Variants in PARD3B observed in about 807,000 individuals in gnomAD.
PARD3B encodes the protein par-3 family cell polarity regulator beta, also known as partitioning defective 3 homolog B.
PARD3B carries 103 observed loss-of-function variants against 130.2 expected under a neutral mutation model. The observed-to-expected ratio is 0.79, with a 90% CI of 0.67 to 0.93. PARD3B has a LOEUF of 0.93. PARD3B is among the 40% of genes least tolerant of loss of function. PARD3B has a pLI of 0.00. For synonymous variants in PARD3B, 583 were observed against 553.2 expected (o/e 1.05, Z -0.76); for missense variants, 1,609 against 1,499.2 (o/e 1.07, Z -1.21).
chr2:205,118,854 T>A, intron 6 of PARD3B, 67 bp from the exon 7 acceptor site: 1 of 1,120,064 alleles, frequency 8.9e-7, no homozygotes, highest in Non-Finnish European at 1.2e-6. Context: ...TCTGAATAGT[T>A]GCAAGTGGAG....
intron 10 of PARD3B, among the ~76,000 whole-genome samples, chr2:205,141,665 G>A (rs909994082): frequency 6.6e-6 from 1 of 152,170 alleles, no homozygotes; most frequent in Non-Finnish European, 1.5e-5. Flanking sequence ...ACAGGTTACG[G>A]TTATGCTTAG....
chr2:205,050,417 T>C (rs1030356313), intron 4 of PARD3B, among the ~76,000 whole-genome samples: 1 of 151,830 alleles, frequency 6.6e-6, no homozygotes, highest in East Asian at 1.9e-4. Context: ...TATATGTGTG[T>C]TATAACTGTT....
intron 12 of PARD3B, among the ~76,000 whole-genome samples, chr2:205,175,364 A>T (rs10181441): frequency 0.31 from 46,859 of 152,078 alleles, 7,708 homozygotes; most frequent in Middle Eastern, 0.49. Context: ...AGGGTAATAC[A>T]CTGGGTGTGG....
intron 2 of PARD3B, among the ~76,000 whole-genome samples, chr2:204,713,452 G>A (rs945800468): frequency 6.7e-6 from 1 of 150,356 alleles, no homozygotes; most frequent in Non-Finnish European, 1.5e-5. Flanking sequence ...CAGTTTTGTG[G>A]CATTAAGAAC....
chr2:205,126,655 A>G (rs1310118342), intron 10 of PARD3B, among the ~76,000 whole-genome samples: 1 of 148,054 alleles, frequency 6.8e-6, no homozygotes, highest in Non-Finnish European at 1.5e-5. Flanking sequence ...CTGAGGCAGG[A>G]GAATGGCGTG....
At chr2:205,373,663 C>T (rs1180993888) in intron 18 of PARD3B, among the ~76,000 whole-genome samples, 3 of 152,164 alleles carry the variant, frequency 2.0e-5, no homozygotes. Flanking sequence ...TTCTTATCCT[C>T]AGTTATGCTT....
intron 21 of PARD3B, among the ~76,000 whole-genome samples, chr2:205,504,717 G>A (rs935741688): frequency 9.1e-4 from 139 of 152,244 alleles, no homozygotes; most frequent in Admixed American, 1.2e-3. Flanking sequence ...TTAGAATGGC[G>A]ATCATTAAAA....
At chr2:205,023,227 C>A (rs1575576779) in intron 3 of PARD3B, among the ~76,000 whole-genome samples, 1 of 152,136 alleles carries the variant, frequency 6.6e-6, no homozygotes, top group African/African-American at 2.4e-5. Flanking sequence ...TCCCACTGGG[C>A]AGGATTGCAG....
At chr2:205,190,639 ACTCTC>A (rs2036345400) in intron 14 of PARD3B, among the ~76,000 whole-genome samples, 1 of 151,878 alleles carries the variant, frequency 6.6e-6, no homozygotes, top group African/African-American at 2.4e-5. Flanking sequence ...GGCAATGCCA[ACTCTC>A]CTCTTTGAGC....
At chr2:205,071,249 GT>G (rs1700709829) in intron 4 of PARD3B, among the ~76,000 whole-genome samples, 1 of 152,072 alleles carries the variant, frequency 6.6e-6, no homozygotes, top group Non-Finnish European at 1.5e-5. Flanking sequence ...ATTCTTACAA[GT>G]TTCCTTCCTT....
At chr2:205,315,677 G>A (rs967544470) in intron 18 of PARD3B, among the ~76,000 whole-genome samples, 8 of 152,058 alleles carry the variant, frequency 5.3e-5, no homozygotes, top group East Asian at 1.9e-4. Flanking sequence ...TTGTTTTAGC[G>A]TTTCTCTCTC....
chr2:204,596,175 A>G (rs924254449), intron 1 of PARD3B, among the ~76,000 whole-genome samples: 2 of 152,208 alleles, frequency 1.3e-5, no homozygotes, highest in South Asian at 2.1e-4. Flanking sequence ...TCTAATAACC[A>G]TGATTTCCTC....
chr2:205,492,009 C>G (rs1471934398), intron 20 of PARD3B, among the ~76,000 whole-genome samples: 1 of 152,160 alleles, frequency 6.6e-6, no homozygotes, highest in Non-Finnish European at 1.5e-5. Flanking sequence ...GCATGTTAAC[C>G]TCTCTGGACC....
chr2:205,554,231 TG>T (rs1178246759), intron 22 of PARD3B, among the ~76,000 whole-genome samples: 1 of 139,812 alleles, frequency 7.2e-6, no homozygotes, highest in East Asian at 2.3e-4. Context: ...TTTAAAGGGG[TG>T]GGGGAAAGAC....
rs140181299 is a variant in PARD3B at position 204,756,187 on chromosome 2, G to A, written c.222+69905G>A. Among the ~76,000 whole-genome samples the A allele has an allele frequency of 9.9e-4, 151 of 152,138 alleles. 1 individual carries two copies. In the East Asian group the frequency reaches 0.025, roughly 26 times the overall value. On this transcript the variant is annotated intron_variant, in intron 2 of 22. Transcript: ENST00000406610. ...CCTACTCCTTCCCAATGGCAAGGGG[G>A]TCACACAAGATTACCTGAAATATGG... is the stretch of plus-strand genomic sequence containing the variant.
At chr2:204,636,533 T>A (rs10170405) in intron 1 of PARD3B, among the ~76,000 whole-genome samples, 105,765 of 150,874 alleles carry the variant, frequency 0.7, 37,865 homozygotes, top group Non-Finnish European at 0.78. Context: ...GTCCTTTTCT[T>A]TCTTGATGCC....
intron 19 of PARD3B, among the ~76,000 whole-genome samples, chr2:205,414,062 T>A (rs1017810076): frequency 2.6e-5 from 4 of 152,184 alleles, no homozygotes. Flanking sequence ...TGGTGCTGAT[T>A]GTATTTTGGG....
intron 2 of PARD3B, among the ~76,000 whole-genome samples, chr2:204,779,150 T>G (rs1329230222): frequency 6.6e-6 from 1 of 152,176 alleles, no homozygotes; most frequent in Non-Finnish European, 1.5e-5. Flanking sequence ...CTCAGGTTTC[T>G]GATAAATTAT....
At position 205,562,164 on chromosome 2, in the gene PARD3B, T is replaced by A. The variant is rs1478218340; in HGVS notation, c.3260+8761T>A. Among the ~76,000 whole-genome samples, 1 of 152,242 alleles carries A rather than the reference T, an allele frequency of 6.6e-6. No individual in the cohort carries two copies. Among genetic ancestry groups the A allele is most frequent in the Non-Finnish European group, 1.5e-5 (1 of 68,042 alleles). On this transcript the variant is annotated intron_variant, in intron 22 of 22. Coordinates refer to ENST00000406610, the MANE Select transcript of PARD3B (RefSeq NM_001302769.2). This position sits in a 1 kb window ranked among gnomAD's most constrained non-coding sequence, Gnocchi z 5.4. The stretch of plus-strand genomic sequence containing the variant: ...TAATGCTACTGCCACCTCATTTTTA[T>A]GTCACTTAGTTCCTCAGATAAAAGT...
Sources: gnomAD v4.1 joint callset for allele counts (sites outside exome capture counted in the v4.1 genomes callset) on GRCh38, gnomAD v4.1.1 for gene constraint, Gnocchi (gnomAD v3.1) non-coding constraint, MANE v1.5 for transcripts, NCBI Gene and HGNC (gene_info 2026-07-23, HGNC 2026-07-21) for gene names.